The following NSD1 variants were observed in gnomAD, a reference collection of about 807,000 sequenced individuals.
The protein encoded by NSD1 is histone-lysine N-methyltransferase, H3 lysine-36 specific.
Under a neutral mutation model 242.7 loss-of-function variants are expected in NSD1, and 26 were observed. The ratio of observed to expected loss-of-function variants is 0.11; its 90% CI spans 0.08 to 0.15. The LOEUF (loss-of-function observed/expected upper bound fraction) is 0.15. Among genes scored for constraint, NSD1 ranks in the 10% least tolerant of loss-of-function variants. The probability of loss-of-function intolerance (pLI) is 1.00; values close to 1 mark genes in which losing one functional copy is unlikely to be tolerated. For missense variants in NSD1, 2,495 were observed against 3,272.8 expected (o/e 0.76, Z 5.80); for synonymous variants, 1,106 against 1,178.1 (o/e 0.94, Z 1.25).
At chr5:177,142,194 A>G (rs548681792) in intron 2 of NSD1, among the ~76,000 whole-genome samples, 1 of 152,338 alleles carries the variant, frequency 6.6e-6, no homozygotes, top group African/African-American at 2.4e-5. Context: ...TTCTGTGTTC[A>G]TGATGACATC....
At chr5:177,193,317 T>C (rs1310539596) in intron 3 of NSD1, among the ~76,000 whole-genome samples, 1 of 152,092 alleles carries the variant, frequency 6.6e-6, no homozygotes, top group African/African-American at 2.4e-5. Context: ...ATTTTTTTGG[T>C]ATTTTTAGTA....
chr5:177,199,108 A>G (rs1204442416), intron 3 of NSD1, among the ~76,000 whole-genome samples: 1 of 152,222 alleles, frequency 6.6e-6, no homozygotes, highest in South Asian at 2.1e-4. Flanking sequence ...TCTGTTTTTC[A>G]CTTTCAATGT....
intron 2 of NSD1, among the ~76,000 whole-genome samples, chr5:177,190,986 T>C (rs1322007527): frequency 2.8e-5 from 4 of 143,360 alleles, no homozygotes; most frequent in Non-Finnish European, 6.1e-5. Flanking sequence ...TTTTTCTTTT[T>C]TTTTTTTGAA....
intron 12 of NSD1, among the ~76,000 whole-genome samples, chr5:177,252,271 C>T (rs1429199176): frequency 1.3e-5 from 2 of 152,062 alleles, no homozygotes; most frequent in African/African-American, 4.8e-5. Context: ...AAGGCATAGG[C>T]AGTAACTAAG....
intron 2 of NSD1, among the ~76,000 whole-genome samples, chr5:177,189,042 CA>C (rs61212125): frequency 4.0e-5 from 6 of 151,170 alleles, no homozygotes. Flanking sequence ...GAACCTGTCT[CA>C]AAAAAAACAC....
intron 5 of NSD1, chr5:177,221,093 G>A: frequency 2.2e-6 from 1 of 447,036 alleles, no homozygotes; most frequent in Admixed American, 2.4e-5. Context: ...GGCTGGTCTT[G>A]AACTCCTAGC....
chr5:177,237,186 A>G (rs1765514565), intron 6 of NSD1, among the ~76,000 whole-genome samples: 1 of 152,068 alleles, frequency 6.6e-6, no homozygotes. Context: ...ATCTTTACCT[A>G]TATCAATAAT....
intron 2 of NSD1, among the ~76,000 whole-genome samples, chr5:177,174,670 T>C (rs1760032961): frequency 6.6e-6 from 1 of 151,250 alleles, no homozygotes; most frequent in African/African-American, 2.4e-5. Context: ...GCAATTCTTC[T>C]GCCTCAGCCT....
rs146122708 is a variant in NSD1 at position 177,217,236 on chromosome 5, C to T, written c.3796+5041C>T. Among the ~76,000 whole-genome samples, 397 of 152,162 alleles carry T rather than the reference C, an allele frequency of 2.6e-3. 2 individuals are homozygous for T. The highest frequency in any genetic ancestry group is 6.6e-3 in the African/African-American group (274 of 41,528). ...TTTCTCCTCCTTGGTTAAGTTTATT[C>T]TTAAGTATTCTATTCTTTTTTATGC... On this transcript the variant is annotated intron_variant, in intron 5 of 22. Coordinates refer to ENST00000439151, the MANE Select transcript of NSD1 (RefSeq NM_022455.5).
chr5:177,288,974 C>G (rs1407697883), intron 21 of NSD1, 49 bp downstream of exon 21: 1 of 1,282,858 alleles, frequency 7.8e-7, no homozygotes, highest in East Asian at 2.3e-5. Flanking sequence ...GCGGTCCTCC[C>G]TCCCTAACAG....
chr5:177,208,175 A>G (rs1300553521), intron 4 of NSD1, among the ~76,000 whole-genome samples: 1 of 152,190 alleles, frequency 6.6e-6, no homozygotes, highest in Middle Eastern at 3.2e-3. Flanking sequence ...TATGGAGGTA[A>G]GGAAGAAAAT....
chr5:177,251,923 A>G (rs1446126666), intron 12 of NSD1, 70 bp downstream of exon 12: 1 of 1,591,022 alleles, frequency 6.3e-7, no homozygotes, highest in Non-Finnish European at 8.6e-7. Flanking sequence ...AAAGACATTT[A>G]TTGGAGACAC....
intron 4 of NSD1, 24 bp from the exon 5 acceptor site, chr5:177,209,612 T>A: frequency 6.3e-7 from 1 of 1,590,114 alleles, no homozygotes; most frequent in Non-Finnish European, 8.6e-7. Flanking sequence ...TAAGTGATAA[T>A]TCTTTTTCTC....
chr5:177,158,311 T>TTTTC (rs1286028220), intron 2 of NSD1, among the ~76,000 whole-genome samples: 4 of 147,672 alleles, frequency 2.7e-5, no homozygotes, highest in African/African-American at 5.1e-5. Flanking sequence ...CTTTTCTTTC[T>TTTTC]TTTCTTTCTT....
intron 5 of NSD1, among the ~76,000 whole-genome samples, chr5:177,219,736 G>A (rs1764087795): frequency 1.3e-5 from 2 of 152,160 alleles, no homozygotes; most frequent in South Asian, 4.2e-4. Flanking sequence ...AGGCCAAGGC[G>A]AGATCACCTG....
At chr5:177,176,946 A>T (rs1272467851) in intron 2 of NSD1, among the ~76,000 whole-genome samples, 3 of 152,168 alleles carry the variant, frequency 2.0e-5, no homozygotes, top group African/African-American at 7.2e-5. Flanking sequence ...TCAGTGGTAA[A>T]TGAAAACAAT....
At chr5:177,273,610 GT>G (rs2127241556) in intron 16 of NSD1, 61 bp from the exon 17 acceptor site, 1 of 1,280,048 alleles carries the variant, frequency 7.8e-7, no homozygotes, top group South Asian at 1.2e-5. Context: ...TAAAAAATAA[GT>G]GAATAAATAA....
At chr5:177,255,404 A>C (rs1756350879) in intron 12 of NSD1, among the ~76,000 whole-genome samples, 1 of 151,934 alleles carries the variant, frequency 6.6e-6, no homozygotes, top group South Asian at 2.1e-4. Context: ...TATTTGCTGG[A>C]TGTTCTCAGT....
At chr5:177,243,672 T>G (rs1203261517) in intron 8 of NSD1, among the ~76,000 whole-genome samples, 1 of 152,176 alleles carries the variant, frequency 6.6e-6, no homozygotes, top group Non-Finnish European at 1.5e-5. Flanking sequence ...GTAGGTGGTG[T>G]TCACAGGTCT....
Sources: allele counts gnomAD v4.1 joint callset (sites outside exome capture counted in the v4.1 genomes callset), GRCh38; gene constraint gnomAD v4.1.1; transcripts MANE v1.5; gene names NCBI Gene and HGNC (gene_info 2026-07-23, HGNC 2026-07-21).